OR3A2: variants seen among roughly 807,000 people sequenced by gnomAD.
OR3A2 encodes olfactory receptor family 3 subfamily A member 2.
For missense variants in OR3A2, 318 were observed against 392.8 expected (o/e 0.81, Z 1.61); for synonymous variants, 126 against 159.3 (o/e 0.79, Z 1.57).
chr17:3,350,443 T>C (rs1242669082), intron 2 of OR3A2, among the ~76,000 whole-genome samples: 1 of 151,190 alleles, frequency 6.6e-6, no homozygotes, highest in Non-Finnish European at 1.5e-5. Context: ...AAGAAATGGA[T>C]AAATTCCTCG....
chr17:3,378,955 C>T (rs1031824621), intron 2 of OR3A2, among the ~76,000 whole-genome samples: 1 of 152,180 alleles, frequency 6.6e-6, no homozygotes, highest in Non-Finnish European at 1.5e-5. Context: ...TCAGTTTACT[C>T]CTCTCAATTT....
intron 1 of OR3A2, among the ~76,000 whole-genome samples, chr17:3,280,189 G>A (rs887452539): frequency 1.2e-4 from 19 of 152,060 alleles, no homozygotes; most frequent in Admixed American, 1.0e-3. Flanking sequence ...ACTTAGGCAC[G>A]GTAGGTTGAC....
rs932246712 is a variant in OR3A2 at position 3,386,113 on chromosome 17, T to C, written c.-275+12A>G. ...GGCCCTCCGCTCCCCCATGTATTAC[T>C]TCTTGGGTCACCTGAGCCTCGTGGA... On this transcript the variant is annotated intron_variant, in intron 1 of 4. Coordinates refer to the OR3A2 transcript ENST00000573491. The C allele has an allele frequency of 4.0e-5, 16 of 398,688 alleles. No homozygotes were observed. The highest frequency in any genetic ancestry group is 6.6e-5 in the Non-Finnish European group (15 of 226,260). The allele number at this position is 398,688 out of a possible 1,614,324, so 24.7% of individuals were successfully genotyped here. A position where few individuals can be genotyped will look rare whatever the true frequency, so the allele number is the denominator to read the frequency against.
chr17:3,381,341 T>C (rs2049735238), intron 2 of OR3A2, among the ~76,000 whole-genome samples: 1 of 151,588 alleles, frequency 6.6e-6, no homozygotes, highest in Non-Finnish European at 1.5e-5. Flanking sequence ...TTTTAAATTC[T>C]AGATCCTAAG....
chr17:3,310,460 G>C (rs745705012), intron 3 of OR3A2: 4 of 535,548 alleles, frequency 7.5e-6, no homozygotes, highest in Non-Finnish European at 1.5e-5. Context: ...GCATCCTGGC[G>C]GCCATCCTTA....
intron 3 of OR3A2, chr17:3,310,422 T>G (rs761518231): frequency 1.1e-5 from 6 of 535,420 alleles, no homozygotes. Flanking sequence ...CCTTCTTGCT[T>G]ACGTCACTAC....
At chr17:3,347,104 G>A (rs2049371274) in intron 2 of OR3A2, among the ~76,000 whole-genome samples, 1 of 152,038 alleles carries the variant, frequency 6.6e-6, no homozygotes, top group African/African-American at 2.4e-5. Context: ...ACTTTATTGA[G>A]GAACCTCCAA....
At chr17:3,356,243 G>A (rs181714293) in intron 2 of OR3A2, among the ~76,000 whole-genome samples, 1 of 151,414 alleles carries the variant, frequency 6.6e-6, no homozygotes, top group Admixed American at 6.6e-5. Flanking sequence ...TCATCATTTA[G>A]TCTTTCTATT....
chr17:3,358,048 G>A (rs181004473), intron 2 of OR3A2, among the ~76,000 whole-genome samples: 95 of 151,732 alleles, frequency 6.3e-4, no homozygotes, highest in Non-Finnish European at 1.2e-3. Flanking sequence ...TGATCCAGAC[G>A]AGGTCTCGAA....
intron 2 of OR3A2, among the ~76,000 whole-genome samples, chr17:3,350,187 C>A (rs1597353733): frequency 6.6e-6 from 1 of 151,894 alleles, no homozygotes; most frequent in African/African-American, 2.4e-5. Flanking sequence ...AAAATCAGAG[C>A]AGAACTGAAG....
chr17:3,332,799 A>G (rs373038117), intron 3 of OR3A2, among the ~76,000 whole-genome samples: 5 of 152,316 alleles, frequency 3.3e-5, no homozygotes, highest in South Asian at 4.1e-4. Flanking sequence ...CAGTTCCCAA[A>G]TAATACTCTT....
intron 3 of OR3A2, among the ~76,000 whole-genome samples, chr17:3,313,281 G>T (rs563593745): frequency 2.6e-5 from 4 of 152,170 alleles, no homozygotes; most frequent in Non-Finnish European, 4.4e-5. Flanking sequence ...GAACCCTTAA[G>T]GGGCCTTAGA....
chr17:3,344,278 A>G (rs989545898), intron 2 of OR3A2, among the ~76,000 whole-genome samples: 4 of 151,800 alleles, frequency 2.6e-5, no homozygotes, highest in African/African-American at 7.3e-5. Context: ...TTACACATCT[A>G]ATTATTTTTA....
At position 3,368,119 on chromosome 17, in the gene OR3A2, A is replaced by G. The variant is rs369234756; in HGVS notation, c.-179+15685T>C. On this transcript the variant is annotated intron_variant, in intron 2 of 4. Transcript: ENST00000573491. ...TTGCTGATTTGTTTGAGTTCCTTAT[A>G]GATTCTGGATATTAGTGCTTTATCA... is the stretch of plus-strand genomic sequence containing the variant. Among the ~76,000 whole-genome samples, 8 of 152,228 alleles carry G rather than the reference A, an allele frequency of 5.3e-5. No individual in the cohort carries two copies. In the East Asian group the frequency reaches 5.8e-4, roughly 11 times the overall value.
At chr17:3,306,319 T>TTAA (rs1466318771) in intron 3 of OR3A2, among the ~76,000 whole-genome samples, 4 of 151,684 alleles carry the variant, frequency 2.6e-5, no homozygotes, top group Non-Finnish European at 2.9e-5. Flanking sequence ...AGTCAGCTAA[T>TTAA]TTTTTTTGTA....
At chr17:3,292,439 G>C in intron 3 of OR3A2, 1 of 1,613,920 alleles carries the variant, frequency 6.2e-7, no homozygotes, top group Non-Finnish European at 8.5e-7. Flanking sequence ...CAGCTGCCAG[G>C]ATGCTGAGGT....
At chr17:3,348,693 C>A (rs1025584243) in intron 2 of OR3A2, among the ~76,000 whole-genome samples, 8 of 152,028 alleles carry the variant, frequency 5.3e-5, no homozygotes, top group Non-Finnish European at 1.0e-4. Context: ...CACAAAGATA[C>A]TCCTCGAGAA....
intron 3 of OR3A2, among the ~76,000 whole-genome samples, chr17:3,334,773 T>C (rs1449088651): frequency 6.6e-6 from 1 of 152,236 alleles, no homozygotes; most frequent in African/African-American, 2.4e-5. Context: ...TTTATTCAAG[T>C]GTTATTTCTA....
At chr17:3,320,391 C>A (rs1323475150) in intron 3 of OR3A2, among the ~76,000 whole-genome samples, 1 of 146,268 alleles carries the variant, frequency 6.8e-6, no homozygotes, top group Non-Finnish European at 1.5e-5. Flanking sequence ...AATTAGATCC[C>A]ATTTGTCAAT....
Sources: allele counts gnomAD v4.1 joint callset (sites outside exome capture counted in the v4.1 genomes callset), GRCh38; gene constraint gnomAD v4.1.1; transcripts MANE v1.5; gene names NCBI Gene and HGNC (gene_info 2026-07-23, HGNC 2026-07-21).